CPNE3: variants seen among roughly 807,000 people sequenced by gnomAD.
CPNE3 encodes the protein copine 3, also known as copine-3.
In CPNE3, 68 loss-of-function variants were observed where a neutral mutation model predicts 63.9. The observed-to-expected ratio is 1.06, with a 90% CI of 0.87 to 1.30. The LOEUF (loss-of-function observed/expected upper bound fraction) is 1.30, where lower values mean the gene tolerates loss of function less well. CPNE3 is among the 50% of genes most tolerant of loss of function. The probability of loss-of-function intolerance (pLI) is 0.00; values close to 1 mark genes in which losing one functional copy is unlikely to be tolerated. For synonymous variants in CPNE3, 219 were observed against 197.5 expected (o/e 1.11, Z -0.91); for missense variants, 665 against 578.1 (o/e 1.15, Z -1.54).
At chr8:86,540,882 G>T (rs2131469027) in intron 8 of CPNE3, among the ~76,000 whole-genome samples, 1 of 152,134 alleles carries the variant, frequency 6.6e-6, no homozygotes, top group African/African-American at 2.4e-5. Context: ...GCAGATGTCA[G>T]TATTTTTTTA....
intron 2 of CPNE3, among the ~76,000 whole-genome samples, chr8:86,526,704 G>T (rs965274941): frequency 6.6e-6 from 1 of 152,086 alleles, no homozygotes. Context: ...TAGAGACGAG[G>T]TTTCACCATG....
intron 14 of CPNE3, 24 bp downstream of exon 14, chr8:86,551,258 G>A (rs749958626): frequency 1.3e-6 from 2 of 1,484,056 alleles, no homozygotes; most frequent in South Asian, 2.3e-5. Context: ...TAAACATGAA[G>A]ACTTCAAATG....
intron 2 of CPNE3, among the ~76,000 whole-genome samples, chr8:86,520,778 C>A (rs1027224192): frequency 6.6e-6 from 1 of 151,204 alleles, no homozygotes; most frequent in African/African-American, 2.4e-5. Flanking sequence ...CCTGCCTCAG[C>A]CTTCCAGGTA....
intron 2 of CPNE3, among the ~76,000 whole-genome samples, chr8:86,519,638 A>C (rs1820388513): frequency 6.6e-6 from 1 of 152,192 alleles, no homozygotes; most frequent in South Asian, 2.1e-4. Context: ...AAGTCATCTG[A>C]GCACTTAATA....
At chr8:86,534,984 CTTAAGTTA>C (rs1360610998) in intron 6 of CPNE3, among the ~76,000 whole-genome samples, 5 of 152,148 alleles carry the variant, frequency 3.3e-5, no homozygotes, top group African/African-American at 1.2e-4. Flanking sequence ...CTCATAGATA[CTTAAGTTA>C]TTCCAATTTT....
At chr8:86,554,015 A>G (rs1821255449) in intron 14 of CPNE3, 1 of 152,180 alleles carries the variant, frequency 6.6e-6, no homozygotes, top group Admixed American at 6.5e-5. Context: ...TGCTCATTTT[A>G]CATGCAGCTA....
rs559184000 is a variant in CPNE3, at chr8:86,559,637, CTTTTT to C, written c.*1234_*1238del. Reference sequence around the variant, plus strand: ...ATTAAGATAGGGTGGATTTTATGTGCTTTTTTTTTTTAAGAGTTGAATTTCTTTTC... The same window carrying C: ...ATTAAGATAGGGTGGATTTTATGTGCTTTTTTAAGAGTTGAATTTCTTTTC... On this transcript the variant is annotated 3_prime_UTR_variant, in exon 17 of 17. Transcript: ENST00000517490. 6.9e-6 allele frequency: 1 copy of C among 144,612 alleles called. No homozygotes were observed. The allele number at this position is 144,612 out of a possible 1,614,324, so 9.0% of individuals were successfully genotyped here.
At chr8:86,555,090 T>C (rs1821291644) in intron 15 of CPNE3, 106 bp downstream of exon 15, 7 of 1,470,176 alleles carry the variant, frequency 4.8e-6, no homozygotes, top group Middle Eastern at 1.8e-4. Context: ...CAGGGCAAGA[T>C]ACAATAACAC....
intron 16 of CPNE3, among the ~76,000 whole-genome samples, chr8:86,556,598 GA>G (rs1220405779): frequency 6.6e-6 from 1 of 152,162 alleles, no homozygotes; most frequent in East Asian, 1.9e-4. Context: ...GTAACAACAG[GA>G]AAAAACTCTT....
chr8:86,541,794 A>ATGATT (rs1462492155), intron 8 of CPNE3, among the ~76,000 whole-genome samples: 1 of 152,098 alleles, frequency 6.6e-6, no homozygotes, highest in Non-Finnish European at 1.5e-5. Flanking sequence ...CAATCTAAGT[A>ATGATT]TGATTTGTAA....
chr8:86,551,834 A>T (rs924385561), intron 14 of CPNE3, among the ~76,000 whole-genome samples: 2 of 152,084 alleles, frequency 1.3e-5, no homozygotes, highest in African/African-American at 4.8e-5. Flanking sequence ...TTATTTATTT[A>T]AAAAAATAGA....
At chr8:86,526,374 TA>T (rs1481519357) in intron 2 of CPNE3, among the ~76,000 whole-genome samples, 1 of 151,824 alleles carries the variant, frequency 6.6e-6, no homozygotes, top group South Asian at 2.1e-4. Flanking sequence ...AATGGAATAA[TA>T]AAAAAATATG....
At chr8:86,520,494 G>T (rs1820410430) in intron 2 of CPNE3, among the ~76,000 whole-genome samples, 1 of 151,262 alleles carries the variant, frequency 6.6e-6, no homozygotes, top group Non-Finnish European at 1.5e-5. Flanking sequence ...GGCGGAGGTT[G>T]CAAGTGAGCC....
At chr8:86,514,588 C>T (rs1820220419) in intron 1 of CPNE3, 47 bp downstream of exon 1, 1 of 152,280 alleles carries the variant, frequency 6.6e-6, no homozygotes, top group African/African-American at 2.4e-5. Flanking sequence ...GGCAGCAGCC[C>T]AGCAACCGTA....
chr8:86,520,131 C>A (rs1192169365), intron 2 of CPNE3, among the ~76,000 whole-genome samples: 1 of 138,280 alleles, frequency 7.2e-6, no homozygotes, highest in African/African-American at 2.5e-5. Flanking sequence ...TTTAAAAAAT[C>A]CTTTAGTACC....
chr8:86,533,410 G>T (rs1820728360), intron 6 of CPNE3, among the ~76,000 whole-genome samples: 1 of 152,062 alleles, frequency 6.6e-6, no homozygotes, highest in Admixed American at 6.6e-5. Flanking sequence ...GGGTGTGGTG[G>T]CATGTGCCTG....
At chr8:86,553,021 G>A (rs1440125176) in intron 14 of CPNE3, among the ~76,000 whole-genome samples, 11 of 121,058 alleles carry the variant, frequency 9.1e-5, no homozygotes, top group Admixed American at 4.4e-4. Context: ...CTGCCACCAC[G>A]CTCGGCTAAT....
intron 8 of CPNE3, among the ~76,000 whole-genome samples, chr8:86,544,131 C>T (rs1821000738): frequency 6.6e-6 from 1 of 151,992 alleles, no homozygotes; most frequent in South Asian, 2.1e-4. Flanking sequence ...GATACTTCCT[C>T]AGTGGACTAA....
intron 5 of CPNE3, among the ~76,000 whole-genome samples, chr8:86,531,556 G>T (rs1301871284): frequency 1.3e-5 from 2 of 152,070 alleles, no homozygotes; most frequent in Non-Finnish European, 2.9e-5. Context: ...TATCAGTTTG[G>T]TTCTCTACTG....
Sources: gnomAD v4.1 joint callset for allele counts (sites outside exome capture counted in the v4.1 genomes callset) on GRCh38, gnomAD v4.1.1 for gene constraint, MANE v1.5 for transcripts, NCBI Gene and HGNC (gene_info 2026-07-23, HGNC 2026-07-21) for gene names.